The following KCNT2 variants were observed in gnomAD, a reference collection of about 807,000 sequenced individuals.
KCNT2 encodes the protein potassium channel subfamily T member 2.
Under a neutral mutation model 153.8 loss-of-function variants are expected in KCNT2, and 67 were observed. The ratio of observed to expected loss-of-function variants is 0.44; its 90% CI spans 0.36 to 0.53. The LOEUF (loss-of-function observed/expected upper bound fraction) is 0.53. Ranked by LOEUF, KCNT2 falls within the 20% of genes least tolerant of loss-of-function variation. The pLI, the probability that KCNT2 is intolerant of heterozygous loss-of-function variation, is 0.00. For synonymous variants in KCNT2, 500 were observed against 458.8 expected (o/e 1.09, Z -1.15); for missense variants, 975 against 1,354.8 (o/e 0.72, Z 4.40).
intron 22 of KCNT2, among the ~76,000 whole-genome samples, chr1:196,304,338 A>C (rs937195753): frequency 7.9e-5 from 12 of 152,134 alleles, no homozygotes; most frequent in Non-Finnish European, 1.6e-4. Context: ...TAAGAAATGA[A>C]AACAGCCTAG....
At chr1:196,549,655 C>T (rs1006609730) in intron 1 of KCNT2, among the ~76,000 whole-genome samples, 1 of 151,874 alleles carries the variant, frequency 6.6e-6, no homozygotes, top group Admixed American at 6.6e-5. Flanking sequence ...CTGGGACCAG[C>T]CTTCAAAAGC....
At chr1:196,411,255 CTCTT>C (rs1398189496) in intron 12 of KCNT2, among the ~76,000 whole-genome samples, 1 of 150,882 alleles carries the variant, frequency 6.6e-6, no homozygotes, top group Non-Finnish European at 1.5e-5. Context: ...TATTTTTAGG[CTCTT>C]TATTAGTCTA....
chr1:196,355,822 G>A (rs190350310), intron 14 of KCNT2, among the ~76,000 whole-genome samples: 2 of 151,724 alleles, frequency 1.3e-5, no homozygotes, highest in Non-Finnish European at 3.0e-5. Context: ...ATATCTCACT[G>A]ATTTTCAACT....
intron 1 of KCNT2, among the ~76,000 whole-genome samples, chr1:196,501,469 T>C (rs956011640): frequency 6.6e-6 from 1 of 152,250 alleles, no homozygotes; most frequent in African/African-American, 2.4e-5. Flanking sequence ...TAGGCCATTA[T>C]TCTAAGCAAA....
At chr1:196,333,710 G>C in intron 17 of KCNT2, 137 bp downstream of exon 17, 1 of 624,520 alleles carries the variant, frequency 1.6e-6, no homozygotes, top group South Asian at 1.9e-5. Context: ...TTTGGTAGAA[G>C]TATATAGGAA....
intron 5 of KCNT2, among the ~76,000 whole-genome samples, chr1:196,471,378 T>C (rs1272772974): frequency 6.6e-6 from 1 of 152,180 alleles, no homozygotes; most frequent in Admixed American, 6.5e-5. Flanking sequence ...TCAGGACTAT[T>C]TAACAAAAGA....
At chr1:196,285,790 G>C in intron 22 of KCNT2, 32 bp from the exon 23 acceptor site, 1 of 1,295,128 alleles carries the variant, frequency 7.7e-7, no homozygotes, top group Non-Finnish European at 1.1e-6. Flanking sequence ...AAAAATTTGT[G>C]AGCATTCCAC....
rs112947863 is a variant in KCNT2 at position 196,351,023 on chromosome 1, G to A, written c.1404-8795C>T. Among the ~76,000 whole-genome samples, 931 of 152,200 alleles carry A rather than the reference G, an allele frequency of 6.1e-3. 11 individuals are homozygous for A. The highest frequency in any genetic ancestry group is 0.021 in the African/African-American group (879 of 41,530). On this transcript the variant is annotated intron_variant, in intron 14 of 27. Transcript: ENST00000294725. ...AAGATCAGATAGTTGTAGATATGTGGCGTTATTTCTGAGGGCTCTGTTCTG... is the reference window on the plus strand; with the variant it reads ...AAGATCAGATAGTTGTAGATATGTGACGTTATTTCTGAGGGCTCTGTTCTG...
chr1:196,370,554 G>A (rs7552984), intron 14 of KCNT2, among the ~76,000 whole-genome samples: 148,737 of 149,644 alleles, frequency 0.99, 73,915 homozygotes, highest in Middle Eastern at 1. Flanking sequence ...ATAAAAAAAA[G>A]CGCGGATAAT....
chr1:196,559,224 A>C (rs1393803478), intron 1 of KCNT2, among the ~76,000 whole-genome samples: 1 of 151,676 alleles, frequency 6.6e-6, no homozygotes, highest in Non-Finnish European at 1.5e-5. Flanking sequence ...TTCTCTTATT[A>C]ATTTATATTT....
chr1:196,290,855 C>T (rs1187400282), intron 22 of KCNT2, among the ~76,000 whole-genome samples: 2 of 151,962 alleles, frequency 1.3e-5, no homozygotes, highest in Non-Finnish European at 2.9e-5. Flanking sequence ...CAGATAAATA[C>T]AGAAATTTCA....
intron 13 of KCNT2, among the ~76,000 whole-genome samples, chr1:196,393,768 T>C (rs140014854): frequency 2.6e-3 from 389 of 151,648 alleles, no homozygotes; most frequent in African/African-American, 9.0e-3. Flanking sequence ...GGGGAATTTA[T>C]GAAGGGTTCC....
chr1:196,359,258 C>A (rs147253622), intron 14 of KCNT2, among the ~76,000 whole-genome samples: 2 of 152,038 alleles, frequency 1.3e-5, no homozygotes, highest in East Asian at 3.9e-4. Flanking sequence ...ACTATATCAC[C>A]CTTTAAAGAA....
chr1:196,470,477 G>T (rs568237782), intron 5 of KCNT2, among the ~76,000 whole-genome samples: 2 of 152,154 alleles, frequency 1.3e-5, no homozygotes, highest in African/African-American at 4.8e-5. Context: ...GGTGAAATGG[G>T]ACTTCAACAG....
intron 13 of KCNT2, among the ~76,000 whole-genome samples, chr1:196,385,030 T>C (rs1417715684): frequency 6.6e-6 from 1 of 152,124 alleles, no homozygotes; most frequent in Non-Finnish European, 1.5e-5. Context: ...TAAAAAAGAT[T>C]GAAATTTCAG....
intron 1 of KCNT2, among the ~76,000 whole-genome samples, chr1:196,543,945 T>C (rs1357763550): frequency 4.7e-5 from 2 of 42,968 alleles, no homozygotes; most frequent in African/African-American, 1.7e-4. Flanking sequence ...TGCACATAAA[T>C]GTTCATAGCA....
intron 5 of KCNT2, among the ~76,000 whole-genome samples, chr1:196,476,223 C>T (rs1678516540): frequency 1.3e-5 from 2 of 152,024 alleles, no homozygotes; most frequent in Non-Finnish European, 2.9e-5. Context: ...TATTCCTGTG[C>T]TAGTGGAAGG....
At chr1:196,359,226 T>C (rs1353396260) in intron 14 of KCNT2, among the ~76,000 whole-genome samples, 1 of 152,012 alleles carries the variant, frequency 6.6e-6, no homozygotes, top group Non-Finnish European at 1.5e-5. Context: ...CAAAGTTTCA[T>C]CGGGGACTGG....
At chr1:196,326,366 A>T (rs981827731) in intron 19 of KCNT2, among the ~76,000 whole-genome samples, 1 of 152,082 alleles carries the variant, frequency 6.6e-6, no homozygotes, top group African/African-American at 2.4e-5. Flanking sequence ...GACAAAAAAA[A>T]AATTGTCCAG....
Sources: allele counts gnomAD v4.1 joint callset (sites outside exome capture counted in the v4.1 genomes callset), GRCh38; gene constraint gnomAD v4.1.1; transcripts MANE v1.5; gene names NCBI Gene and HGNC (gene_info 2026-07-23, HGNC 2026-07-21).